HMGB1: variants seen among roughly 807,000 people sequenced by gnomAD.
HMGB1 encodes the protein high mobility group protein B1.
For synonymous variants in HMGB1, 81 were observed against 84.0 expected, an observed-to-expected ratio of 0.96 and a Z score of 0.19; for missense variants, 79 against 253.5, an observed-to-expected ratio of 0.31 and a Z score of 4.67.
At chr13:30,614,549 T>C (rs1950542515) in intron 1 of HMGB1, among the ~76,000 whole-genome samples, 1 of 152,214 alleles carries the variant, frequency 6.6e-6, no homozygotes, top group South Asian at 2.1e-4. Context: ...AAAAATTCAG[T>C]GACTTGTGTA....
At chr13:30,561,499 AG>A (rs2137525045) in intron 1 of HMGB1, among the ~76,000 whole-genome samples, 1 of 152,320 alleles carries the variant, frequency 6.6e-6, no homozygotes, top group African/African-American at 2.4e-5. Flanking sequence ...ATGTTCTTAA[AG>A]GAAGGACACT....
intron 1 of HMGB1, chr13:30,464,304 C>A: frequency 4.1e-6 from 4 of 985,486 alleles, no homozygotes; most frequent in Non-Finnish European, 4.8e-6. Flanking sequence ...CGGTTTGGCC[C>A]TGAGATGTAT....
chr13:30,603,045 A>T (rs1950418877), intron 1 of HMGB1, among the ~76,000 whole-genome samples: 1 of 152,168 alleles, frequency 6.6e-6, no homozygotes, highest in African/African-American at 2.4e-5. Flanking sequence ...GGGCTGAAGC[A>T]ATCTGCCTGC....
chr13:30,536,752 G>A (rs1868458548), intron 1 of HMGB1, among the ~76,000 whole-genome samples: 1 of 151,988 alleles, frequency 6.6e-6, no homozygotes, highest in African/African-American at 2.4e-5. Flanking sequence ...TTTGTTTTCC[G>A]GTAGCTAGTA....
intron 1 of HMGB1, among the ~76,000 whole-genome samples, chr13:30,591,319 A>G (rs1432523007): frequency 6.6e-6 from 1 of 152,152 alleles, no homozygotes; most frequent in Admixed American, 6.5e-5. Flanking sequence ...GGTGTGAACC[A>G]TCGCGCCTGG....
intron 1 of HMGB1, among the ~76,000 whole-genome samples, chr13:30,505,680 C>T (rs1461702700): frequency 6.6e-6 from 1 of 152,094 alleles, no homozygotes; most frequent in Non-Finnish European, 1.5e-5. Flanking sequence ...ACCCGTTATT[C>T]AACCTCAACT....
At chr13:30,581,501 T>C (rs186485743) in intron 1 of HMGB1, among the ~76,000 whole-genome samples, 201 of 152,314 alleles carry the variant, frequency 1.3e-3, no homozygotes, top group African/African-American at 4.6e-3. Context: ...AGCTGGGTGG[T>C]TGGGGCAGGG....
intron 1 of HMGB1, among the ~76,000 whole-genome samples, chr13:30,484,882 A>G (rs1055075181): frequency 6.6e-6 from 1 of 152,192 alleles, no homozygotes; most frequent in African/African-American, 2.4e-5. Context: ...CTTTTATTCT[A>G]TAGATTACTC....
At chr13:30,614,021 G>A (rs1222772061) in intron 1 of HMGB1, among the ~76,000 whole-genome samples, 1 of 152,018 alleles carries the variant, frequency 6.6e-6, no homozygotes, top group Non-Finnish European at 1.5e-5. Flanking sequence ...AACTTTTAAG[G>A]TAAGTGAACA....
chr13:30,509,522 G>A (rs1228152759), intron 1 of HMGB1, among the ~76,000 whole-genome samples: 2 of 152,244 alleles, frequency 1.3e-5, no homozygotes, highest in South Asian at 4.2e-4. Context: ...ACAGATGTGA[G>A]CCACCACGCC....
chr13:30,495,080 G>A (rs1393465614), intron 1 of HMGB1, among the ~76,000 whole-genome samples: 8 of 152,074 alleles, frequency 5.3e-5, no homozygotes, highest in African/African-American at 1.9e-4. Flanking sequence ...ATCCATCGAC[G>A]GACAATTGGG....
intron 1 of HMGB1, among the ~76,000 whole-genome samples, chr13:30,599,182 C>G (rs1593337172): frequency 6.6e-6 from 1 of 152,142 alleles, no homozygotes; most frequent in Admixed American, 6.6e-5. Context: ...TAACGTAACA[C>G]TACAGGCCGG....
chr13:30,554,178 G>C, intron 1 of HMGB1: 1 of 1,397,640 alleles, frequency 7.2e-7, no homozygotes, highest in South Asian at 1.2e-5. Context: ...GGTGAAACCA[G>C]AACAATATCT....
chr13:30,465,095 C>A, intron 1 of HMGB1: 1 of 930,766 alleles, frequency 1.1e-6, no homozygotes, highest in Non-Finnish European at 1.3e-6. Flanking sequence ...GCGCCCAGCT[C>A]CCCCGCCCGC....
intron 1 of HMGB1, among the ~76,000 whole-genome samples, chr13:30,529,202 C>G (rs745932233): frequency 6.6e-6 from 1 of 152,134 alleles, no homozygotes; most frequent in South Asian, 2.1e-4. Flanking sequence ...TTACCCACAT[C>G]TCCATCACAA....
intron 1 of HMGB1, among the ~76,000 whole-genome samples, chr13:30,570,442 C>G (rs970712490): frequency 6.6e-6 from 1 of 152,162 alleles, no homozygotes; most frequent in Non-Finnish European, 1.5e-5. Flanking sequence ...TCTAAGATGA[C>G]TTTTTCACTT....
chr13:30,466,457 G>T (rs1162350876), upstream of HMGB1, among the ~76,000 whole-genome samples: 2 of 152,184 alleles, frequency 1.3e-5, no homozygotes, highest in African/African-American at 4.8e-5. Context: ...CGAGCCTCGA[G>T]CCCCTCAAAG....
chr13:30,544,953 G>A (rs1346551257), intron 1 of HMGB1, among the ~76,000 whole-genome samples: 5 of 152,174 alleles, frequency 3.3e-5, no homozygotes, highest in Non-Finnish European at 7.3e-5. Context: ...ATGTAGAAAC[G>A]TGTTCCTCTG....
chr13:30,461,257 C>A lies in HMGB1; in HGVS notation c.*100G>T, dbSNP rs4002017. On this transcript the variant is annotated 3_prime_UTR_variant, in exon 5 of 5. Coordinates refer to ENST00000341423, the MANE Select transcript of HMGB1 (RefSeq NM_002128.7). ...GTACAGTTTAAAAACAAATCTTACA[C>A]AGCCTTACATTTCAATTTTTTTCTT... The A allele has an allele frequency of 6.7e-7, 1 of 1,488,996 alleles. No homozygotes were observed. The highest frequency in any genetic ancestry group is 8.9e-7 in the Non-Finnish European group (1 of 1,119,544). The allele number at this position is 1,488,996 out of a possible 1,614,324, so 92.2% of individuals were successfully genotyped here.
Sources: gnomAD v4.1 joint callset for allele counts (sites outside exome capture counted in the v4.1 genomes callset) on GRCh38, gnomAD v4.1.1 for gene constraint, MANE v1.5 for transcripts, NCBI Gene and HGNC (gene_info 2026-07-23, HGNC 2026-07-21) for gene names.